Variants in PLAT observed in about 807,000 individuals in gnomAD.
PLAT encodes tissue-type plasminogen activator.
In PLAT, 48 loss-of-function variants were observed where a neutral mutation model predicts 74.9. The observed-to-expected ratio is 0.64, with a 90% confidence interval of 0.51 to 0.82. The LOEUF (loss-of-function observed/expected upper bound fraction) is 0.82, where lower values mean the gene tolerates loss of function less well. Ranked by LOEUF, PLAT falls within the 40% of genes least tolerant of loss-of-function variation. PLAT has a pLI of 0.00. For missense variants in PLAT, 673 were observed against 736.2 expected (o/e 0.91, Z 0.99); for synonymous variants, 307 against 294.4 (o/e 1.04, Z -0.44).
rs538663869 is a variant in PLAT, at chr8:42,179,929, C to A, written c.1360G>T (p.Ala454Ser). 91 of 1,594,724 alleles carry A rather than the reference C, an allele frequency of 5.7e-5. 4 individuals carry two copies. The South Asian group carries it at 1.0e-3, about 17-fold the overall frequency. Reference protein sequence around the residue: ...CELSGYGKHEALSPFYSERLK... With the variant: ...CELSGYGKHESLSPFYSERLK... ...GCCGAGACTTCCTTCCACTTACAGG[C>A]CTCATGCTTGCCGTAGCCGGAGAGC... is the stretch of plus-strand genomic sequence containing the variant. The change falls in exon 12 of 14, where the codon GCC becomes TCC. Residue 454 changes from alanine to serine, a missense_variant. By Grantham distance (99) the Ala-to-Ser change is moderately conservative. Coordinates refer to ENST00000220809, the MANE Select transcript of PLAT (RefSeq NM_000930.5).
intron 1 of PLAT, chr8:42,206,696 T>C (rs1250186758): frequency 6.6e-6 from 1 of 152,036 alleles, no homozygotes; most frequent in Non-Finnish European, 1.5e-5. Flanking sequence ...CCTCTCTCCC[T>C]CCCTGTGAGG....
chr8:42,194,239 AGAGTGTGTGTGTGTGT>A (rs1164465437), intron 1 of PLAT, among the ~76,000 whole-genome samples: 39 of 106,232 alleles, frequency 3.7e-4, no homozygotes, highest in Admixed American at 1.1e-3. Context: ...AGAGAGAGAG[AGAGTGTGTGTGTGTGT>A]GTGTGTGTGT....
At chr8:42,202,201 T>C (rs79818032) in intron 1 of PLAT, among the ~76,000 whole-genome samples, 2 of 150,810 alleles carry the variant, frequency 1.3e-5, no homozygotes, top group Non-Finnish European at 2.9e-5. Flanking sequence ...TTTTTTTTTT[T>C]CATTTTTTTG....
At chr8:42,197,726 C>T (rs973850350) in intron 1 of PLAT, among the ~76,000 whole-genome samples, 2 of 152,134 alleles carry the variant, frequency 1.3e-5, no homozygotes, top group Non-Finnish European at 2.9e-5. Flanking sequence ...CCTCTATCTG[C>T]CTCTACCGGC....
chr8:42,188,902 G>C, intron 4 of PLAT, 32 bp downstream of exon 4: 1 of 1,593,350 alleles, frequency 6.3e-7, no homozygotes, highest in Non-Finnish European at 8.6e-7. Context: ...TGGGATCACA[G>C]GCATGCACCA....
At chr8:42,192,727 C>T (rs1318476158) in intron 2 of PLAT, among the ~76,000 whole-genome samples, 1 of 152,114 alleles carries the variant, frequency 6.6e-6, no homozygotes, top group Non-Finnish European at 1.5e-5. Context: ...TTGAGTATCC[C>T]TGGATTTTGG....
intron 1 of PLAT, among the ~76,000 whole-genome samples, chr8:42,200,809 G>A (rs1394170048): frequency 6.6e-6 from 1 of 151,530 alleles, no homozygotes; most frequent in Non-Finnish European, 1.5e-5. Flanking sequence ...ACTCCTCACT[G>A]TCTATGTGAC....
intron 1 of PLAT, among the ~76,000 whole-genome samples, chr8:42,205,500 TG>T (rs1806296079): frequency 6.6e-6 from 1 of 152,024 alleles, no homozygotes; most frequent in African/African-American, 2.4e-5. Context: ...CACTCTAGCC[TG>T]GGCAAAAAGA....
chr8:42,194,241 A>AGAGAGAGAGAGAGAGAGTGTGTGT (rs1419569830), intron 1 of PLAT, among the ~76,000 whole-genome samples: 3 of 52,574 alleles, frequency 5.7e-5, no homozygotes, highest in African/African-American at 2.0e-4. Context: ...AGAGAGAGAG[A>AGAGAGAGAGAGAGAGAGTGTGTGT]GTGTGTGTGT....
At chr8:42,186,824 C>A (rs939208172) in intron 6 of PLAT, 6 of 149,114 alleles carry the variant, frequency 4.0e-5, no homozygotes, top group African/African-American at 7.3e-5. Context: ...TATCATCTAT[C>A]AATCTTCTAT....
chr8:42,203,992 T>TATATATACACACACACAC (rs1554499838), intron 1 of PLAT, among the ~76,000 whole-genome samples: 2 of 109,864 alleles, frequency 1.8e-5, no homozygotes, highest in African/African-American at 1.0e-4. Context: ...TATATATATA[T>TATATATACACACACACAC]ACACACACAC....
chr8:42,175,908 G>T lies in PLAT; in HGVS notation c.*85C>A. On this transcript the variant is annotated 3_prime_UTR_variant, in exon 14 of 14. Coordinates refer to ENST00000220809, the MANE Select transcript of PLAT (RefSeq NM_000930.5). ...CGGTGTGGTGGGTCTGGAGAAGTCT[G>T]TAGAGAAGCACTGCGCCTTTGCAGT... 7.2e-7 allele frequency: 1 copy of T among 1,387,538 alleles called. No homozygotes were observed. Among genetic ancestry groups the T allele is most frequent in the Non-Finnish European group, 1.0e-6 (1 of 989,396 alleles). The allele number at this position is 1,387,538 out of a possible 1,614,324, so 86.0% of individuals were successfully genotyped here.
rs1805746063 is a variant in PLAT at position 42,193,053 on chromosome 8, C to A, written c.72+61G>T. The stretch of plus-strand genomic sequence containing the variant: ...CCGTGGCCCAGATGGACACAGACCC[C>A]TGGAGCCTCCGGAAGCATCACAGCC... On this transcript the variant is annotated intron_variant, in intron 2 of 13. Transcript: ENST00000220809. The A allele has an allele frequency of 5.8e-6, 7 of 1,209,880 alleles. No individual in the cohort carries two copies. In the South Asian group the frequency reaches 8.4e-5, roughly 15 times the overall value. The allele number at this position is 1,209,880 out of a possible 1,614,324, so 74.9% of individuals were successfully genotyped here. A position where few individuals can be genotyped will look rare whatever the true frequency, so the allele number is the denominator to read the frequency against.
chr8:42,194,806 G>T (rs902065317), intron 1 of PLAT, among the ~76,000 whole-genome samples: 1 of 33,072 alleles, frequency 3.0e-5, no homozygotes, highest in African/African-American at 1.1e-4. Flanking sequence ...CCCCCCCACC[G>T]CTCTGCCAGA....
At chr8:42,203,075 A>G (rs1806196547) in intron 1 of PLAT, among the ~76,000 whole-genome samples, 1 of 152,114 alleles carries the variant, frequency 6.6e-6, no homozygotes, top group Admixed American at 6.6e-5. Flanking sequence ...CTAAGGATCT[A>G]GGGGCCTTTG....
chr8:42,175,739 A>G lies in PLAT; in HGVS notation c.*254T>C, dbSNP rs987557768. The G allele has an allele frequency of 3.7e-5, 14 of 380,226 alleles. No homozygotes were observed. The highest frequency in any genetic ancestry group is 5.7e-5 in the Non-Finnish European group (12 of 209,502). 23.6% of individuals were successfully genotyped at this position (380,226 alleles called of 1,614,324 possible). On this transcript the variant is annotated 3_prime_UTR_variant, in exon 14 of 14. Transcript: ENST00000220809. ...GCCACTTTCTGCCCAGGGAGGAGGC[A>G]TTCCTGGAGAGGCTAGTGTGCATTC...
intron 1 of PLAT, among the ~76,000 whole-genome samples, chr8:42,198,677 A>G (rs1333198859): frequency 1.3e-5 from 2 of 152,246 alleles, no homozygotes; most frequent in African/African-American, 2.4e-5. Context: ...AGGGAAAGAC[A>G]AACGTAAATT....
At position 42,179,013 on chromosome 8, in the gene PLAT, G is replaced by A. The variant is rs1180198093; in HGVS notation, c.1414C>T (p.Pro472Ser). ...TGTTGTGATGTGCAGCGGCTGGATG[G>A]GTACAGTCTGACATGAGCCTCCTTC... ...RLKEAHVRLY[P>S]SSRCTSQHLL... The change falls in exon 13 of 14, where the codon CCA becomes TCA. Residue 472 changes from proline (P) to serine (S), a missense_variant. Pro to Ser is a moderately conservative substitution (Grantham distance 74). Coordinates refer to ENST00000220809, the MANE Select transcript of PLAT (RefSeq NM_000930.5). 3 of 1,613,166 alleles carry A rather than the reference G, an allele frequency of 1.9e-6. No homozygotes were observed. The African/African-American group carries it at 4.0e-5, about 22-fold the overall frequency.
At chr8:42,195,109 ACCCTCC>A (rs566707007) in intron 1 of PLAT, among the ~76,000 whole-genome samples, 5 of 130,800 alleles carry the variant, frequency 3.8e-5, no homozygotes, top group Admixed American at 1.5e-4. Flanking sequence ...TTCAGGTCCC[ACCCTCC>A]CCCTCCCCCT....
Sources: allele counts gnomAD v4.1 joint callset (sites outside exome capture counted in the v4.1 genomes callset), GRCh38; gene constraint gnomAD v4.1.1; transcripts MANE v1.5; gene names NCBI Gene and HGNC (gene_info 2026-07-23, HGNC 2026-07-21).